The following COMMD1 variants were observed in gnomAD, a reference collection of about 807,000 sequenced individuals.
COMMD1 encodes COMM domain-containing protein 1.
COMMD1 carries 10 observed loss-of-function variants against 17.2 expected under a neutral mutation model. That is an observed-to-expected ratio of 0.58 (90% confidence interval 0.36 to 0.99). The LOEUF (loss-of-function observed/expected upper bound fraction) is 0.99. COMMD1 is among the 50% of genes least tolerant of loss of function. The pLI, the probability that COMMD1 is intolerant of heterozygous loss-of-function variation, is 0.01. For synonymous variants in COMMD1, 97 were observed against 91.6 expected, an observed-to-expected ratio of 1.06 and a Z score of -0.34; for missense variants, 270 against 231.8, an observed-to-expected ratio of 1.17 and a Z score of -1.07.
chr2:62,042,058 C>T (rs1670227180), intron 2 of COMMD1, among the ~76,000 whole-genome samples: 2 of 152,296 alleles, frequency 1.3e-5, no homozygotes, highest in African/African-American at 4.8e-5. Flanking sequence ...TTACAGAGAG[C>T]TGATTGGTCC....
intron 2 of COMMD1, chr2:62,069,642 C>T (rs1029335435): frequency 2.2e-4 from 34 of 152,098 alleles, no homozygotes; most frequent in Admixed American, 2.1e-3. Context: ...CAAACCCTCA[C>T]TGGTTGTATT....
intron 2 of COMMD1, among the ~76,000 whole-genome samples, chr2:62,042,393 C>T (rs940305167): frequency 5.3e-5 from 8 of 152,228 alleles, no homozygotes; most frequent in Non-Finnish European, 1.2e-4. Context: ...CCTACCCAAC[C>T]CAGAAGCCCA....
chr2:62,125,574 C>G (rs1672864029), intron 2 of COMMD1, among the ~76,000 whole-genome samples: 1 of 151,752 alleles, frequency 6.6e-6, no homozygotes, highest in Admixed American at 6.6e-5. Context: ...GAATAAGGAC[C>G]ATTGGTAGTA....
intron 2 of COMMD1, among the ~76,000 whole-genome samples, chr2:62,030,458 A>G (rs1319934117): frequency 6.6e-6 from 1 of 152,182 alleles, no homozygotes; most frequent in Non-Finnish European, 1.5e-5. Flanking sequence ...GTTTAGCAGC[A>G]TCGCAGGTCT....
In COMMD1 at chr2:61,905,778, C is replaced by G; in HGVS notation, c.100C>G (p.Leu34Val). Residue 34 changes from leucine (L) to valine (V), a missense_variant, in exon 1 of 3, where the codon CTG (leucine) becomes GTG (valine). Physicochemically the swap from Leu to Val is conservative, Grantham distance 32. Coordinates refer to ENST00000311832, the MANE Select transcript of COMMD1 (RefSeq NM_152516.4). ...FHGYPGITEE[L>V]LRSQLYPEVP... Reference sequence around the variant, plus strand: ...CGGGTACCCCGGCATCACAGAGGAGCTGCTACGGAGCCAGCTATATCCAGA... The same window carrying G: ...CGGGTACCCCGGCATCACAGAGGAGGTGCTACGGAGCCAGCTATATCCAGA... 2 of 1,614,178 alleles carry G rather than the reference C, an allele frequency of 1.2e-6. No individual in the cohort carries two copies. The highest frequency in any genetic ancestry group is 1.1e-5 in the South Asian group (1 of 91,078).
chr2:62,129,740 TTCTC>T (rs1181942888), intron 2 of COMMD1, among the ~76,000 whole-genome samples: 1 of 152,194 alleles, frequency 6.6e-6, no homozygotes, highest in Non-Finnish European at 1.5e-5. Flanking sequence ...CTCTTCCTCT[TTCTC>T]TCTTTCTCTC....
chr2:61,963,765 G>A (rs1671432614), intron 1 of COMMD1, among the ~76,000 whole-genome samples: 1 of 152,208 alleles, frequency 6.6e-6, no homozygotes, highest in South Asian at 2.1e-4. Context: ...CTAAGTCTTG[G>A]TAGTTTGTAT....
At chr2:61,947,925 A>G (rs978843748) in intron 1 of COMMD1, among the ~76,000 whole-genome samples, 4 of 152,050 alleles carry the variant, frequency 2.6e-5, no homozygotes, top group African/African-American at 9.7e-5. Context: ...TTTGATTAAA[A>G]TCACATCTGT....
At chr2:62,134,240 A>G (rs1048682320) in intron 2 of COMMD1, among the ~76,000 whole-genome samples, 1 of 152,232 alleles carries the variant, frequency 6.6e-6, no homozygotes. Context: ...TGGGGCTGGT[A>G]TATTCTGATA....
At chr2:61,940,596 CATG>C (rs1289248731) in intron 1 of COMMD1, among the ~76,000 whole-genome samples, 26 of 152,160 alleles carry the variant, frequency 1.7e-4, no homozygotes, top group Admixed American at 1.7e-3. Flanking sequence ...TCAGCTTTCT[CATG>C]ATAACCTTTG....
chr2:62,001,194 C>T (rs769586220), intron 2 of COMMD1: 20 of 555,446 alleles, frequency 3.6e-5, no homozygotes, highest in Non-Finnish European at 6.1e-5. Context: ...GCAGCTGTCT[C>T]AGAAGAACAG....
intron 1 of COMMD1, among the ~76,000 whole-genome samples, chr2:61,993,989 C>CTTCT (rs953377911): frequency 1.3e-5 from 2 of 150,028 alleles, no homozygotes; most frequent in African/African-American, 2.5e-5. Flanking sequence ...TCCTTCTTTC[C>CTTCT]TTCTTTCTTT....
At chr2:62,124,519 AT>A (rs1379999232) in intron 2 of COMMD1, among the ~76,000 whole-genome samples, 1 of 151,976 alleles carries the variant, frequency 6.6e-6, no homozygotes, top group African/African-American at 2.4e-5. Flanking sequence ...ATCTGATGTT[AT>A]TTTATTTTAA....
chr2:61,952,163 G>C (rs1671074268), intron 1 of COMMD1, among the ~76,000 whole-genome samples: 1 of 152,172 alleles, frequency 6.6e-6, no homozygotes, highest in African/African-American at 2.4e-5. Context: ...ATGATGGGAA[G>C]AATTTAGTTT....
intron 1 of COMMD1, among the ~76,000 whole-genome samples, chr2:61,997,376 T>TAAA (rs59337897): frequency 1.0e-4 from 15 of 144,758 alleles, no homozygotes; most frequent in African/African-American, 3.7e-4. Flanking sequence ...ATGTATTTCT[T>TAAA]AAAAAAAAAA....
At chr2:61,964,070 G>T (rs1671442606) in intron 1 of COMMD1, among the ~76,000 whole-genome samples, 1 of 152,182 alleles carries the variant, frequency 6.6e-6, no homozygotes. Flanking sequence ...CCTACTTTCA[G>T]TCGGAAGTAG....
intron 2 of COMMD1, among the ~76,000 whole-genome samples, chr2:62,053,594 A>C (rs574369749): frequency 2.6e-5 from 4 of 152,204 alleles, no homozygotes; most frequent in African/African-American, 9.6e-5. Context: ...TTACCTCAGC[A>C]GTGAGATTTT....
intron 1 of COMMD1, among the ~76,000 whole-genome samples, chr2:61,962,954 A>C (rs1671395926): frequency 6.6e-6 from 1 of 152,096 alleles, no homozygotes; most frequent in Non-Finnish European, 1.5e-5. Context: ...TGAGGTCAGG[A>C]ATTTAAGACC....
At chr2:62,056,525 G>T (rs913020070) in intron 2 of COMMD1, among the ~76,000 whole-genome samples, 1 of 152,230 alleles carries the variant, frequency 6.6e-6, no homozygotes, top group African/African-American at 2.4e-5. Context: ...CTTCAGAGGA[G>T]AATGACGACT....
Sources: allele counts gnomAD v4.1 joint callset (sites outside exome capture counted in the v4.1 genomes callset), GRCh38; gene constraint gnomAD v4.1.1; transcripts MANE v1.5; gene names NCBI Gene and HGNC (gene_info 2026-07-23, HGNC 2026-07-21).